FAM135A: variants seen among roughly 807,000 people sequenced by gnomAD.
FAM135A encodes family with sequence similarity 135 member A.
In FAM135A, 79 loss-of-function variants were observed where a neutral mutation model predicts 146.8. The ratio of observed to expected loss-of-function variants is 0.54; its 90% confidence interval spans 0.45 to 0.65. FAM135A has a LOEUF of 0.65. Ranked by LOEUF, FAM135A falls within the 30% of genes least tolerant of loss-of-function variation. The pLI, the probability that FAM135A is intolerant of heterozygous loss-of-function variation, is 0.00. For synonymous variants in FAM135A, 562 were observed against 603.6 expected (o/e 0.93, Z 1.01); for missense variants, 1,623 against 1,758.2 (o/e 0.92, Z 1.38).
At chr6:70,492,782 AT>A (rs965009082) in intron 11 of FAM135A, among the ~76,000 whole-genome samples, 16 of 151,684 alleles carry the variant, frequency 1.1e-4, no homozygotes, top group African/African-American at 3.4e-4. Flanking sequence ...CTAATAGGTT[AT>A]TTTTTTTGCC....
chr6:70,506,644 C>G (rs1235632485), intron 12 of FAM135A, among the ~76,000 whole-genome samples: 1 of 151,042 alleles, frequency 6.6e-6, no homozygotes, highest in African/African-American at 2.4e-5. Context: ...TTTTAGTGAC[C>G]AGTAGAAGTA....
chr6:70,435,181 G>A (rs998364133), intron 4 of FAM135A, among the ~76,000 whole-genome samples: 2 of 148,086 alleles, frequency 1.4e-5, no homozygotes, highest in African/African-American at 5.0e-5. Context: ...TTGGCTCACT[G>A]CAACCTCTGC....
At chr6:70,532,503 A>C (rs1198974735) in intron 16 of FAM135A, among the ~76,000 whole-genome samples, 1 of 152,234 alleles carries the variant, frequency 6.6e-6, no homozygotes, top group Non-Finnish European at 1.5e-5. Flanking sequence ...AGTTTGCTGT[A>C]TGATTACCTA....
intron 20 of FAM135A, among the ~76,000 whole-genome samples, chr6:70,545,647 T>C (rs1798720606): frequency 6.6e-6 from 1 of 152,150 alleles, no homozygotes; most frequent in African/African-American, 2.4e-5. Flanking sequence ...TTCTAGTAAT[T>C]GTGACTAATG....
chr6:70,495,091 A>G (rs1327598041), intron 11 of FAM135A, among the ~76,000 whole-genome samples: 4 of 152,206 alleles, frequency 2.6e-5, no homozygotes, highest in Admixed American at 6.5e-5. Flanking sequence ...TGCTACATTT[A>G]TAAAACCATC....
chr6:70,416,558 A>G (rs1362497553), intron 2 of FAM135A, among the ~76,000 whole-genome samples: 2 of 152,158 alleles, frequency 1.3e-5, no homozygotes, highest in African/African-American at 4.8e-5. Flanking sequence ...ATTTAAATAA[A>G]TGGATGGAGC....
intron 20 of FAM135A, among the ~76,000 whole-genome samples, chr6:70,545,028 G>A (rs549377531): frequency 6.6e-6 from 1 of 151,426 alleles, no homozygotes; most frequent in South Asian, 2.1e-4. Context: ...TCCAGCCTGG[G>A]CAACAAGACT....
chr6:70,549,950 A>G (rs1403728023), intron 20 of FAM135A, among the ~76,000 whole-genome samples: 3 of 152,186 alleles, frequency 2.0e-5, no homozygotes, highest in East Asian at 1.9e-4. Flanking sequence ...CATTTCAGCA[A>G]TGTTCACAGC....
intron 2 of FAM135A, among the ~76,000 whole-genome samples, chr6:70,416,568 C>T (rs1767622016): frequency 6.6e-6 from 1 of 151,992 alleles, no homozygotes; most frequent in Non-Finnish European, 1.5e-5. Context: ...ATGGATGGAG[C>T]TGAGGGCATA....
intron 1 of FAM135A, chr6:70,414,063 C>G: frequency 1.0e-6 from 1 of 985,282 alleles, no homozygotes; most frequent in Non-Finnish European, 1.2e-6. Flanking sequence ...CCTCCTTTAC[C>G]CGCTTTCGTG....
chr6:70,548,933 T>C (rs1447489747), intron 20 of FAM135A, among the ~76,000 whole-genome samples: 3 of 151,746 alleles, frequency 2.0e-5, no homozygotes, highest in African/African-American at 7.3e-5. Flanking sequence ...AATTAAAAAT[T>C]AAAAAATATA....
At chr6:70,435,566 C>A (rs572939929) in intron 4 of FAM135A, among the ~76,000 whole-genome samples, 1 of 151,946 alleles carries the variant, frequency 6.6e-6, no homozygotes, top group Admixed American at 6.6e-5. Context: ...GTTGCCCAGG[C>A]TGGAGCGTAG....
At chr6:70,502,883 A>G in intron 12 of FAM135A, 92 bp downstream of exon 12, 2 of 1,253,142 alleles carry the variant, frequency 1.6e-6, no homozygotes, top group Non-Finnish European at 2.2e-6. Flanking sequence ...TTTTACCTAT[A>G]TATTGATAAA....
chr6:70,545,068 AAAAC>A (rs748746253), intron 20 of FAM135A, among the ~76,000 whole-genome samples: 16 of 152,040 alleles, frequency 1.1e-4, no homozygotes, highest in South Asian at 4.2e-4. Context: ...AAAACAAACA[AAAAC>A]AAACAAACAA....
At chr6:70,537,989 A>G (rs1311124004) in intron 19 of FAM135A, among the ~76,000 whole-genome samples, 1 of 152,216 alleles carries the variant, frequency 6.6e-6, no homozygotes, top group Non-Finnish European at 1.5e-5. Flanking sequence ...GAACAAATAT[A>G]TTGAAAGGTA....
chr6:70,446,379 A>G (rs1011004711), intron 4 of FAM135A, among the ~76,000 whole-genome samples: 1 of 152,204 alleles, frequency 6.6e-6, no homozygotes, highest in Non-Finnish European at 1.5e-5. Flanking sequence ...CGTTTTGTTC[A>G]GACCATCTGA....
intron 11 of FAM135A, among the ~76,000 whole-genome samples, chr6:70,492,962 A>G (rs1274149453): frequency 6.6e-6 from 1 of 152,056 alleles, no homozygotes; most frequent in African/African-American, 2.4e-5. Flanking sequence ...CAATTATCAA[A>G]TCTGCACAGC....
At chr6:70,552,284 G>C (rs1799957744) in intron 20 of FAM135A, among the ~76,000 whole-genome samples, 1 of 151,710 alleles carries the variant, frequency 6.6e-6, no homozygotes, top group Non-Finnish European at 1.5e-5. Context: ...ATTGAGCCTG[G>C]TTTCTGCTTT....
chr6:70,482,037 C>G lies in FAM135A; in HGVS notation c.706C>G (p.His236Asp). 1 of 1,613,702 alleles carries G rather than the reference C, an allele frequency of 6.2e-7. No individual in the cohort carries two copies. The highest frequency in any genetic ancestry group is 8.5e-7 in the Non-Finnish European group (1 of 1,179,780). ...SFIIADSFLH[H>D]AYRFHYTLCA... ...CATCATTGCAGACTCCTTCCTACAT[C>G]ATGCGTATCGTTTTCATTATACACT... The change falls in exon 10 of 22, where the codon CAT (histidine) becomes GAT (aspartate). Residue 236 changes from histidine (H) to aspartate (D), a missense_variant. Transcript: ENST00000418814.
Sources: gnomAD v4.1 joint callset for allele counts (sites outside exome capture counted in the v4.1 genomes callset) on GRCh38, gnomAD v4.1.1 for gene constraint, MANE v1.5 for transcripts, NCBI Gene and HGNC (gene_info 2026-07-23, HGNC 2026-07-21) for gene names.